The following YTHDC2 variants were observed in gnomAD, a reference collection of about 807,000 sequenced individuals.
YTHDC2 encodes the protein YTH N6-methyladenosine RNA binding protein C2, also known as 3'-5' RNA helicase YTHDC2.
Under a neutral mutation model 174.9 loss-of-function variants are expected in YTHDC2, and 45 were observed. The ratio of observed to expected loss-of-function variants is 0.26; its 90% CI spans 0.20 to 0.33. The LOEUF (loss-of-function observed/expected upper bound fraction) is 0.33. YTHDC2 is among the 10% of genes least tolerant of loss of function. The probability of loss-of-function intolerance (pLI) is 1.00; values close to 1 mark genes in which losing one functional copy is unlikely to be tolerated. For missense variants in YTHDC2, 1,650 were observed against 1,723.7 expected, an observed-to-expected ratio of 0.96 and a Z score of 0.76; for synonymous variants, 657 against 574.5, an observed-to-expected ratio of 1.14 and a Z score of -2.05.
chr5:113,569,934 C>T (rs1170609930), intron 23 of YTHDC2, among the ~76,000 whole-genome samples: 1 of 152,054 alleles, frequency 6.6e-6, no homozygotes, highest in Admixed American at 6.6e-5. Flanking sequence ...GCAGTATGGC[C>T]ATTTTCATGA....
intron 23 of YTHDC2, among the ~76,000 whole-genome samples, chr5:113,575,062 G>A (rs1231884330): frequency 6.6e-6 from 1 of 152,148 alleles, no homozygotes; most frequent in African/African-American, 2.4e-5. Flanking sequence ...TGATTTGTAT[G>A]TATGCCTAGT....
Position 113,542,442 on chromosome 5 carries a change from A to G in YTHDC2, c.1434A>G (p.Leu478=). 1 of 1,613,016 alleles carries G rather than the reference A, an allele frequency of 6.2e-7. No homozygotes were observed. The highest frequency in any genetic ancestry group is 8.5e-7 in the Non-Finnish European group (1 of 1,179,568). Residue 478 remains leucine, a synonymous_variant, in exon 10 of 30, where the codon CTA becomes CTG. Transcript: ENST00000161863. ...ATGCTTGCCTTTCTGATATATGGCTACATAAAGATATTGATGCCTTTGCTC... is the reference window on the plus strand; with the variant it reads ...ATGCTTGCCTTTCTGATATATGGCTGCATAAAGATATTGATGCCTTTGCTC... The part of the protein sequence containing the change: ...EMDACLSDIW[L]HKDIDAFAQV...
At chr5:113,515,751 C>G (rs149205927) in intron 2 of YTHDC2, among the ~76,000 whole-genome samples, 115 of 152,162 alleles carry the variant, frequency 7.6e-4, no homozygotes, top group African/African-American at 2.6e-3. Flanking sequence ...TATGTGGCAT[C>G]TTAATAAAGA....
chr5:113,587,896 G>T (rs1412597097), intron 26 of YTHDC2, among the ~76,000 whole-genome samples: 1 of 151,750 alleles, frequency 6.6e-6, no homozygotes, highest in Non-Finnish European at 1.5e-5. Context: ...CATAAGCATA[G>T]TATATCTGTT....
At chr5:113,588,133 T>C (rs1778795116) in intron 26 of YTHDC2, among the ~76,000 whole-genome samples, 1 of 152,126 alleles carries the variant, frequency 6.6e-6, no homozygotes, top group East Asian at 1.9e-4. Flanking sequence ...CTATTAGCTT[T>C]TTATGCCTTC....
intron 20 of YTHDC2, among the ~76,000 whole-genome samples, chr5:113,565,321 T>C (rs1777260308): frequency 6.6e-6 from 1 of 152,098 alleles, no homozygotes; most frequent in Non-Finnish European, 1.5e-5. Flanking sequence ...AGATTTAGAG[T>C]AGAATTTCTA....
chr5:113,581,863 A>C, intron 25 of YTHDC2, 154 bp downstream of exon 25: 1 of 579,910 alleles, frequency 1.7e-6, no homozygotes, highest in East Asian at 3.4e-5. Flanking sequence ...AGAGTTTTCT[A>C]CTTGTTCAAC....
In YTHDC2 at chr5:113,553,307, C is replaced by T. The variant is rs772963785; in HGVS notation, c.1815C>T (p.Asp605=). Residue 605 remains aspartate, a synonymous_variant, in exon 13 of 30, where the codon GAC becomes GAT. Coordinates refer to ENST00000161863, the MANE Select transcript of YTHDC2 (RefSeq NM_022828.5). ...ATAGTTTCGATGATGAAAAAGTAGA[C>T]TTGGATTTGATCATGCATCTTCTAT... ...YHHSFDDEKV[D]LDLIMHLLYN... 1.2e-6 allele frequency: 2 copies of T among 1,611,852 alleles called. No individual in the cohort carries two copies. Among genetic ancestry groups the T allele is most frequent in the Non-Finnish European group, 1.7e-6 (2 of 1,179,008 alleles).
At position 113,553,157 on chromosome 5, in the gene YTHDC2, C is replaced by CTTTTT. The variant is rs34053583; in HGVS notation, c.1689-8_1689-4dup. 7.5e-5 allele frequency: 82 copies of CTTTTT among 1,098,432 alleles called. 1 individual carries two copies. The highest frequency in any genetic ancestry group is 4.6e-4 in the South Asian group (20 of 43,696). 68.0% of individuals were successfully genotyped at this position (1,098,432 alleles called of 1,614,324 possible). A position where few individuals can be genotyped will look rare whatever the true frequency, so the allele number is the denominator to read the frequency against. On this transcript the variant is annotated intron_variant, in intron 12 of 29. Coordinates refer to ENST00000161863, the MANE Select transcript of YTHDC2 (RefSeq NM_022828.5). Reference sequence around the variant, plus strand: ...TTTTGTTAATGGAAATTGACTTTGTCTTTTTTTTTTTTTTTTTTTTCAGTG... The same window carrying CTTTTT: ...TTTTGTTAATGGAAATTGACTTTGTCTTTTTTTTTTTTTTTTTTTTTTTTTCAGTG...
intron 8 of YTHDC2, among the ~76,000 whole-genome samples, chr5:113,540,021 C>T (rs1775342460): frequency 6.6e-6 from 1 of 152,154 alleles, no homozygotes; most frequent in African/African-American, 2.4e-5. Context: ...CCCACCTCAG[C>T]CTCTTGAGAT....
intron 19 of YTHDC2, 110 bp from the exon 20 acceptor site, chr5:113,563,749 A>C: frequency 7.9e-7 from 1 of 1,259,054 alleles, no homozygotes; most frequent in East Asian, 2.4e-5. Context: ...TATGAGATGT[A>C]GTAGCAAAAG....
intron 4 of YTHDC2, among the ~76,000 whole-genome samples, 190 bp downstream of exon 4, chr5:113,526,975 AT>A (rs1358211295): frequency 6.6e-6 from 1 of 151,834 alleles, no homozygotes; most frequent in East Asian, 1.9e-4. Context: ...TATTTGGAGA[AT>A]TTGTAGAAAG....
At chr5:113,557,922 T>C (rs752692462) in intron 17 of YTHDC2, among the ~76,000 whole-genome samples, 3 of 152,202 alleles carry the variant, frequency 2.0e-5, no homozygotes, top group Non-Finnish European at 4.4e-5. Flanking sequence ...TTACGGATAG[T>C]GATAAATAAA....
At chr5:113,540,899 TA>T in intron 8 of YTHDC2, 68 bp from the exon 9 acceptor site, 1 of 1,455,164 alleles carries the variant, frequency 6.9e-7, no homozygotes, top group Non-Finnish European at 9.3e-7. Context: ...ATAATTTATT[TA>T]AACAAAGGAA....
At chr5:113,550,090 G>A (rs1233641037) in intron 12 of YTHDC2, among the ~76,000 whole-genome samples, 1 of 140,902 alleles carries the variant, frequency 7.1e-6, no homozygotes, top group African/African-American at 2.7e-5. Flanking sequence ...CAAAAAAGAA[G>A]TAAAAAGAAA....
chr5:113,565,656 T>G, intron 20 of YTHDC2: 1 of 317,252 alleles, frequency 3.2e-6, no homozygotes, highest in Admixed American at 4.9e-5. Flanking sequence ...TTGTTAGTCA[T>G]TTAGGCTACT....
Position 113,592,057 on chromosome 5 carries a change from G to A in YTHDC2, c.4091G>A (p.Gly1364Glu). The A allele has an allele frequency of 6.2e-7, 1 of 1,613,078 alleles. No homozygotes were observed. Among genetic ancestry groups the A allele is most frequent in the Non-Finnish European group, 8.5e-7 (1 of 1,179,506 alleles). The change falls in exon 28 of 30, where the codon GGA (glycine) becomes GAA (glutamate). Residue 1364 changes from glycine (G) to glutamate (E), a missense_variant. Around this residue, in one of 5 missense-constraint regions of YTHDC2, gnomAD observed 913 missense variants for 940.4 expected, o/e 0.97. Transcript: ENST00000161863. ...REKSQDWGSA[G>E]LGGVFKVEWI... is the part of the protein sequence containing the mutation. The stretch of plus-strand genomic sequence containing the variant: ...AAGAGTCAGGACTGGGGCTCTGCTG[G>A]ACTAGGAGGAGTATTTAAGGTGGAG...
intron 8 of YTHDC2, among the ~76,000 whole-genome samples, chr5:113,540,484 C>G (rs1775375981): frequency 6.6e-6 from 1 of 152,162 alleles, no homozygotes; most frequent in Non-Finnish European, 1.5e-5. Context: ...ACTCACAGTT[C>G]TGCATGGCTG....
In YTHDC2 at chr5:113,520,249, G is replaced by A. The variant is rs375871540; in HGVS notation, c.279-4732G>A. On this transcript the variant is annotated intron_variant, in intron 2 of 29. Transcript: ENST00000161863. The stretch of plus-strand genomic sequence containing the variant: ...ATGAACTTACTCTTTTTTTATGGCT[G>A]CACAATAAACATAATTTTATTTTTA... 2.0e-5 allele frequency among the ~76,000 whole-genome samples: 3 copies of A among 152,178 alleles called. No homozygotes were observed. The East Asian group carries it at 5.8e-4, about 29-fold the overall frequency.
Sources: gnomAD v4.1 joint callset for allele counts (sites outside exome capture counted in the v4.1 genomes callset) on GRCh38, gnomAD v4.1.1 for gene constraint, gnomAD v4.1.1 regional missense constraint, MANE v1.5 for transcripts, NCBI Gene and HGNC (gene_info 2026-07-23, HGNC 2026-07-21) for gene names.